The following PARD3B variants were observed in gnomAD, a reference collection of about 807,000 sequenced individuals.
The protein encoded by PARD3B is partitioning defective 3 homolog B.
PARD3B carries 103 observed loss-of-function variants against 130.2 expected under a neutral mutation model. The observed-to-expected ratio is 0.79, with a 90% CI of 0.67 to 0.93. The LOEUF is 0.93. Among genes scored for constraint, PARD3B ranks in the 40% least tolerant of loss-of-function variants. The probability of loss-of-function intolerance (pLI) is 0.00; values close to 1 mark genes in which losing one functional copy is unlikely to be tolerated. For missense variants in PARD3B, 1,609 were observed against 1,499.2 expected, an observed-to-expected ratio of 1.07 and a Z score of -1.21; for synonymous variants, 583 against 553.2, an observed-to-expected ratio of 1.05 and a Z score of -0.76.
rs562631271 is a variant in PARD3B, at chr2:205,219,024, G to GA, written c.2140+25705dup. Among the ~76,000 whole-genome samples the GA allele has an allele frequency of 4.0e-4, 60 of 151,810 alleles. 1 individual carries two copies. The East Asian group carries it at 0.011, about 27-fold the overall frequency. On this transcript the variant is annotated intron_variant, in intron 15 of 22. Coordinates refer to ENST00000406610, the MANE Select transcript of PARD3B (RefSeq NM_001302769.2). ...GAATCTGAGAGGCGGAAGTTACGGT[G>GA]AGCTGAGATTGCACCACTGCACTAC...
At chr2:205,008,058 C>CA (rs998661727) in intron 3 of PARD3B, among the ~76,000 whole-genome samples, 18 of 151,972 alleles carry the variant, frequency 1.2e-4, no homozygotes, top group African/African-American at 4.3e-4. Flanking sequence ...GCTTCAATAA[C>CA]AAAAACAAAA....
intron 18 of PARD3B, among the ~76,000 whole-genome samples, chr2:205,322,048 T>C (rs1010900056): frequency 6.6e-6 from 1 of 152,226 alleles, no homozygotes; most frequent in Non-Finnish European, 1.5e-5. Flanking sequence ...CTCAGACTTG[T>C]TATATTTTCC....
intron 4 of PARD3B, among the ~76,000 whole-genome samples, chr2:205,081,850 A>G (rs550126074): frequency 6.6e-6 from 1 of 151,986 alleles, no homozygotes; most frequent in Admixed American, 6.5e-5. Flanking sequence ...TTCTTTATTG[A>G]GTAATGTATT....
chr2:205,010,477 T>G (rs1378914550), intron 3 of PARD3B, among the ~76,000 whole-genome samples: 1 of 152,254 alleles, frequency 6.6e-6, no homozygotes, highest in East Asian at 1.9e-4. Flanking sequence ...GTTTAGTCCC[T>G]CATTTTCATG....
intron 1 of PARD3B, among the ~76,000 whole-genome samples, chr2:204,644,395 A>G (rs542263149): frequency 1.3e-5 from 2 of 152,018 alleles, no homozygotes; most frequent in Admixed American, 6.6e-5. Flanking sequence ...TTGTACCTCA[A>G]CCCTGCCGAG....
intron 2 of PARD3B, among the ~76,000 whole-genome samples, chr2:204,881,454 C>T (rs1376811205): frequency 6.6e-6 from 1 of 151,314 alleles, no homozygotes; most frequent in African/African-American, 2.4e-5. Context: ...TAAATTTTTG[C>T]TTAATAAGAA....
intron 10 of PARD3B, among the ~76,000 whole-genome samples, chr2:205,126,412 G>C (rs1221001084): frequency 1.3e-5 from 2 of 151,994 alleles, no homozygotes; most frequent in African/African-American, 4.8e-5. Context: ...GTAAGGCATT[G>C]GTTAGATAAA....
chr2:205,498,022 C>CACACAT (rs2050003866), intron 20 of PARD3B, among the ~76,000 whole-genome samples: 1 of 150,864 alleles, frequency 6.6e-6, no homozygotes, highest in Non-Finnish European at 1.5e-5. Flanking sequence ...ACTAAACACA[C>CACACAT]ACACACACAC....
At chr2:205,317,233 T>G (rs1366125442) in intron 18 of PARD3B, among the ~76,000 whole-genome samples, 2 of 152,198 alleles carry the variant, frequency 1.3e-5, no homozygotes, top group Non-Finnish European at 2.9e-5. Flanking sequence ...CCTTCTTGAA[T>G]GAAAGTTTTT....
At position 205,366,255 on chromosome 2, in the gene PARD3B, T is replaced by C. The variant is rs1251746862; in HGVS notation, c.2631-34758T>C. On this transcript the variant is annotated intron_variant, in intron 18 of 22. Coordinates refer to ENST00000406610, the MANE Select transcript of PARD3B (RefSeq NM_001302769.2). The surrounding 1 kb of genome is among the most constrained non-coding windows in gnomAD (Gnocchi z 5.0). ...ACTGATGGAAAGTGGAGACAGCCCA[T>C]AGCGCTTTGTTTGAAGGAGTTAGAA... 2.6e-5 allele frequency among the ~76,000 whole-genome samples: 4 copies of C among 152,162 alleles called. No individual in the cohort carries two copies. In the East Asian group the frequency reaches 7.7e-4, roughly 29 times the overall value.
At chr2:205,282,491 ATATATATATTTATGTG>A (rs1574588717) in intron 16 of PARD3B, among the ~76,000 whole-genome samples, 1 of 124,576 alleles carries the variant, frequency 8.0e-6, no homozygotes, top group Admixed American at 9.7e-5. Context: ...GTATGTGTGT[ATATATATATTTATGTG>A]TATATATATA....
chr2:205,569,637 T>C (rs1325752985), intron 22 of PARD3B, among the ~76,000 whole-genome samples: 1 of 152,208 alleles, frequency 6.6e-6, no homozygotes, highest in African/African-American at 2.4e-5. Context: ...GGAAGATGTC[T>C]GTGTAGTTCA....
chr2:204,795,071 T>G lies in PARD3B; in HGVS notation c.222+108789T>G, dbSNP rs552529652. Reference sequence around the variant, plus strand: ...GATAGAAATATTCAAAATGTAAACATTAAACAATGATCGGGTTAAATGCTT... The same window carrying G: ...GATAGAAATATTCAAAATGTAAACAGTAAACAATGATCGGGTTAAATGCTT... On this transcript the variant is annotated intron_variant, in intron 2 of 22. Transcript: ENST00000406610. Among the ~76,000 whole-genome samples the G allele has an allele frequency of 5.0e-4, 76 of 152,316 alleles. 2 individuals carry two copies. The highest frequency in any genetic ancestry group is 9.6e-4 in the Non-Finnish European group (65 of 68,026).
At chr2:204,758,342 G>A (rs2040763157) in intron 2 of PARD3B, among the ~76,000 whole-genome samples, 1 of 152,068 alleles carries the variant, frequency 6.6e-6, no homozygotes, top group Admixed American at 6.6e-5. Context: ...TGTTTCACTG[G>A]GATCTACCAG....
intron 22 of PARD3B, among the ~76,000 whole-genome samples, chr2:205,583,758 T>C (rs897195706): frequency 6.6e-6 from 1 of 152,204 alleles, no homozygotes; most frequent in African/African-American, 2.4e-5. Flanking sequence ...TTTTGATACA[T>C]AGCAAAAGAT....
chr2:205,189,616 T>G (rs1426087013), intron 14 of PARD3B, among the ~76,000 whole-genome samples: 2 of 152,300 alleles, frequency 1.3e-5, no homozygotes, highest in African/African-American at 4.8e-5. Context: ...AGTTAATCAT[T>G]GTGTCACCCT....
At chr2:205,603,417 G>A (rs1049429497) in intron 22 of PARD3B, among the ~76,000 whole-genome samples, 2 of 152,124 alleles carry the variant, frequency 1.3e-5, no homozygotes, top group Non-Finnish European at 2.9e-5. Context: ...TTAATTTTCT[G>A]TCTCCATGAT....
At chr2:205,506,265 G>A (rs1005978990) in intron 21 of PARD3B, among the ~76,000 whole-genome samples, 5 of 152,130 alleles carry the variant, frequency 3.3e-5, no homozygotes, top group South Asian at 2.1e-4. Flanking sequence ...CCCGGGAGGC[G>A]GAAGTTGCAG....
intron 18 of PARD3B, among the ~76,000 whole-genome samples, chr2:205,357,881 T>C (rs1057182593): frequency 6.6e-6 from 1 of 152,194 alleles, no homozygotes; most frequent in African/African-American, 2.4e-5. Flanking sequence ...AGTGATGTCA[T>C]TGAAAAAGCA....
Sources: gnomAD v4.1 joint callset for allele counts (sites outside exome capture counted in the v4.1 genomes callset) on GRCh38, gnomAD v4.1.1 for gene constraint, Gnocchi (gnomAD v3.1) non-coding constraint, MANE v1.5 for transcripts, NCBI Gene and HGNC (gene_info 2026-07-23, HGNC 2026-07-21) for gene names.